GSDMC: variants seen among roughly 807,000 people sequenced by gnomAD.
The protein encoded by GSDMC is gasdermin C.
GSDMC carries 59 observed loss-of-function variants against 58.0 expected under a neutral mutation model. That is an observed-to-expected ratio of 1.02 (90% CI 0.82 to 1.26). The LOEUF (loss-of-function observed/expected upper bound fraction) is 1.26, where lower values mean the gene tolerates loss of function less well. Ranked by LOEUF, GSDMC falls within the 50% of genes most tolerant of loss-of-function variation. The pLI is 0.00. For synonymous variants in GSDMC, 241 were observed against 220.2 expected, an observed-to-expected ratio of 1.09 and a Z score of -0.83; for missense variants, 659 against 598.5, an observed-to-expected ratio of 1.10 and a Z score of -1.06.
downstream of GSDMC, among the ~76,000 whole-genome samples, chr8:129,747,947 TAC>T (rs112116565): frequency 4.9e-4 from 73 of 150,478 alleles, 2 homozygotes; most frequent in South Asian, 4.2e-3. Flanking sequence ...AATATGCACA[TAC>T]ACACACACAC....
At chr8:129,773,485 T>C (rs1163587530) in intron 3 of GSDMC, among the ~76,000 whole-genome samples, 2 of 152,172 alleles carry the variant, frequency 1.3e-5, no homozygotes, top group Non-Finnish European at 2.9e-5. Context: ...ATGAACTATC[T>C]TTAAAACTCA....
In GSDMC at chr8:129,762,649, T is replaced by C; in HGVS notation, c.653A>G (p.Lys218Arg). 1.9e-6 allele frequency: 3 copies of C among 1,612,534 alleles called. No individual in the cohort carries two copies. Among genetic ancestry groups the C allele is most frequent in the Non-Finnish European group, 1.7e-6 (2 of 1,178,536 alleles). The change falls in exon 5 of 14, where the codon AAG becomes AGG. Residue 218 changes from lysine (K) to arginine (R), a missense_variant. By Grantham distance (26) the Lys-to-Arg change is conservative. Coordinates refer to ENST00000276708, the MANE Select transcript of GSDMC (RefSeq NM_031415.3). ...QKGMVMAYKRKQLVIKEKAIL... is the reference protein window; with the variant it reads ...QKGMVMAYKRRQLVIKEKAIL... ...ACCTTTCTCCTTGATAACCAGCTGC[T>C]TTCTCTTATAAGCCATCACCATGCC...
the GSDMC span, among the ~76,000 whole-genome samples, chr8:129,721,253 A>G: frequency 1.3e-5 from 2 of 152,110 alleles, no homozygotes; most frequent in East Asian, 1.9e-4. Context: ...ATTTTCAACT[A>G]CTAGGTTAGA....
chr8:129,776,236 C>A lies in GSDMC; in HGVS notation c.270G>T (p.Lys90Asn). The A allele has an allele frequency of 6.2e-7, 1 of 1,613,800 alleles. No individual in the cohort carries two copies. Among genetic ancestry groups the A allele is most frequent in the Non-Finnish European group, 8.5e-7 (1 of 1,179,804 alleles). ...PFHFSDIMIQ[K>N]HKADMGVNVG... ...CATTCACACCCATGTCAGCCTTATGCTTCTGGATCATAATGTCACTGAAGT... is the reference window on the plus strand; with the variant it reads ...CATTCACACCCATGTCAGCCTTATGATTCTGGATCATAATGTCACTGAAGT... Residue 90 changes from lysine (K) to asparagine (N), a missense_variant, in exon 3 of 14, where the codon AAG becomes AAT. Coordinates refer to ENST00000276708, the MANE Select transcript of GSDMC (RefSeq NM_031415.3).
the GSDMC span, among the ~76,000 whole-genome samples, chr8:129,742,458 A>G: frequency 6.6e-6 from 1 of 152,172 alleles, no homozygotes; most frequent in African/African-American, 2.4e-5. Context: ...ATCTAATGAT[A>G]TCTCACTTAG....
At chr8:129,781,749 CAA>C (rs60219315) in intron 1 of GSDMC, among the ~76,000 whole-genome samples, 50 of 128,922 alleles carry the variant, frequency 3.9e-4, no homozygotes, top group African/African-American at 1.2e-3. Flanking sequence ...GACTCCATCT[CAA>C]AAAAAAAAAA....
At chr8:129,716,682 C>T in the GSDMC span, among the ~76,000 whole-genome samples, 1 of 152,162 alleles carries the variant, frequency 6.6e-6, no homozygotes, top group Non-Finnish European at 1.5e-5. Flanking sequence ...GAGAGGGCAT[C>T]CTTGTCTTGT....
the GSDMC span, among the ~76,000 whole-genome samples, chr8:129,739,542 G>A: frequency 1.3e-5 from 2 of 152,082 alleles, no homozygotes; most frequent in Non-Finnish European, 2.9e-5. Context: ...GACAATGACA[G>A]GCCACACGTA....
At chr8:129,720,482 CATAA>C in the GSDMC span, among the ~76,000 whole-genome samples, 1 of 152,104 alleles carries the variant, frequency 6.6e-6, no homozygotes, top group Non-Finnish European at 1.5e-5. Context: ...TTCACATCCA[CATAA>C]ATATATTGTG....
At chr8:129,775,552 TTAACTGAC>T (rs2034198068) in intron 3 of GSDMC, among the ~76,000 whole-genome samples, 1 of 152,198 alleles carries the variant, frequency 6.6e-6, no homozygotes, top group Non-Finnish European at 1.5e-5. Context: ...AATAGATATG[TTAACTGAC>T]TTTATTGTGG....
At chr8:129,747,933 G>C (rs2033004959), downstream of GSDMC, among the ~76,000 whole-genome samples, 1 of 149,690 alleles carries the variant, frequency 6.7e-6, no homozygotes, top group Non-Finnish European at 1.5e-5. Flanking sequence ...ATTAATAATT[G>C]AGGAATATGC....
intron 1 of GSDMC, among the ~76,000 whole-genome samples, chr8:129,778,265 T>G (rs1348445760): frequency 6.6e-6 from 1 of 152,100 alleles, no homozygotes; most frequent in Non-Finnish European, 1.5e-5. Flanking sequence ...AATGGATGCC[T>G]GGAATATGTG....
chr8:129,781,279 A>C (rs2034399801), intron 1 of GSDMC, among the ~76,000 whole-genome samples: 1 of 152,222 alleles, frequency 6.6e-6, no homozygotes, highest in African/African-American at 2.4e-5. Flanking sequence ...TCTGTTACCT[A>C]CAAGAAACAC....
chr8:129,769,644 A>G (rs2033985987), intron 3 of GSDMC, among the ~76,000 whole-genome samples: 1 of 152,150 alleles, frequency 6.6e-6, no homozygotes, highest in Non-Finnish European at 1.5e-5. Context: ...TCCCACGATA[A>G]TGATATTAAT....
chr8:129,722,583 A>G, the GSDMC span, among the ~76,000 whole-genome samples: 1 of 152,146 alleles, frequency 6.6e-6, no homozygotes, highest in African/African-American at 2.4e-5. Flanking sequence ...CTCATATGTC[A>G]TGAGCCCCAC....
chr8:129,720,449 G>A, the GSDMC span, among the ~76,000 whole-genome samples: 3 of 152,064 alleles, frequency 2.0e-5, no homozygotes, highest in African/African-American at 7.2e-5. Flanking sequence ...TGTCTCCTGA[G>A]TACTGTAATA....
chr8:129,762,459 G>A (rs989290454), intron 5 of GSDMC, among the ~76,000 whole-genome samples, 167 bp downstream of exon 5: 8 of 152,174 alleles, frequency 5.3e-5, no homozygotes, highest in East Asian at 1.9e-4. Flanking sequence ...GCCTCTGTGT[G>A]GTGAGATGGG....
At chr8:129,757,276 T>C (rs988409179) in intron 6 of GSDMC, among the ~76,000 whole-genome samples, 4 of 151,914 alleles carry the variant, frequency 2.6e-5, no homozygotes, top group African/African-American at 9.7e-5. Flanking sequence ...TGAACAACCA[T>C]ATGCCAATAA....
At chr8:129,728,690 C>G in the GSDMC span, 2 of 375,178 alleles carry the variant, frequency 5.3e-6, no homozygotes, top group Non-Finnish European at 1.0e-5. Context: ...GCCACACTGG[C>G]TGCACCAGCT....
Sources: allele counts gnomAD v4.1 joint callset (sites outside exome capture counted in the v4.1 genomes callset), GRCh38; gene constraint gnomAD v4.1.1; transcripts MANE v1.5; gene names NCBI Gene and HGNC (gene_info 2026-07-23, HGNC 2026-07-21).